SPIDR: variants seen among roughly 807,000 people sequenced by gnomAD.
The protein encoded by SPIDR is scaffold protein involved in DNA repair.
SPIDR carries 93 observed loss-of-function variants against 104.6 expected under a neutral mutation model. That is an observed-to-expected ratio of 0.89 (90% CI 0.75 to 1.06). SPIDR has a LOEUF of 1.06. Among genes scored for constraint, SPIDR ranks in the 50% least tolerant of loss-of-function variants. The pLI, the probability that SPIDR is intolerant of heterozygous loss-of-function variation, is 0.00. For synonymous variants in SPIDR, 431 were observed against 416.9 expected (o/e 1.03, Z -0.41); for missense variants, 1,154 against 1,111.2 (o/e 1.04, Z -0.55).
At chr8:47,662,453 A>G (rs2074270638) in intron 10 of SPIDR, among the ~76,000 whole-genome samples, 1 of 152,176 alleles carries the variant, frequency 6.6e-6, no homozygotes, top group African/African-American at 2.4e-5. Context: ...ATACTAGCCA[A>G]TGAGCACTAC....
chr8:47,393,691 TCC>T (rs2060889479), intron 5 of SPIDR, among the ~76,000 whole-genome samples: 1 of 128,838 alleles, frequency 7.8e-6, no homozygotes, highest in African/African-American at 2.9e-5. Flanking sequence ...TCCTTTCCTT[TCC>T]TTTCCTTTCC....
chr8:47,508,178 C>A (rs2081771990), intron 8 of SPIDR, among the ~76,000 whole-genome samples: 2 of 152,156 alleles, frequency 1.3e-5, no homozygotes, highest in Admixed American at 1.3e-4. Flanking sequence ...GTCTTGTGGG[C>A]TGGTAGGATG....
At chr8:47,299,185 G>GA (rs2041529737) in intron 5 of SPIDR, among the ~76,000 whole-genome samples, 1 of 152,140 alleles carries the variant, frequency 6.6e-6, no homozygotes, top group East Asian at 1.9e-4. Flanking sequence ...TTGTAAGTTG[G>GA]AATCCTAGGT....
chr8:47,284,220 A>G, intron 3 of SPIDR, 126 bp downstream of exon 3: 1 of 656,044 alleles, frequency 1.5e-6, no homozygotes, highest in Non-Finnish European at 2.5e-6. Flanking sequence ...ATAGTTAAAA[A>G]ACATCAAGAT....
rs375899067 is a variant in SPIDR, at chr8:47,316,827, A to G, written c.525+22797A>G. ...TATCAAATGGTGTGTCTTTTATTGT[A>G]TATAAAACCTACTGAAAAAAGTAAA... is the stretch of plus-strand genomic sequence containing the variant. On this transcript the variant is annotated intron_variant, in intron 5 of 19. Coordinates refer to ENST00000297423, the MANE Select transcript of SPIDR (RefSeq NM_001080394.4). 9.2e-5 allele frequency among the ~76,000 whole-genome samples: 14 copies of G among 152,330 alleles called. No homozygotes were observed. In the South Asian group the frequency reaches 2.5e-3, roughly 27 times the overall value.
intron 5 of SPIDR, among the ~76,000 whole-genome samples, chr8:47,319,882 T>A (rs189568850): frequency 2.6e-5 from 4 of 151,846 alleles, no homozygotes; most frequent in African/African-American, 9.6e-5. Flanking sequence ...GAAATAAAGA[T>A]GTTCTTGGAA....
In SPIDR at chr8:47,464,157, G is replaced by C. The variant is rs759033398; in HGVS notation, c.1097+23615G>C. On this transcript the variant is annotated intron_variant, in intron 8 of 19. Transcript: ENST00000297423. ...ACACACACACACACACACACACACA[G>C]AGCACGTTAGTAAATTGAGGAAAGT... Among the ~76,000 whole-genome samples the C allele has an allele frequency of 1.7e-3, 244 of 140,560 alleles. 1 individual carries two copies. Among genetic ancestry groups the C allele is most frequent in the Non-Finnish European group, 2.7e-3 (165 of 61,748 alleles). The allele number at this position is 140,560 out of a possible 152,430, so 92.2% of individuals were successfully genotyped here. A position where few individuals can be genotyped will look rare whatever the true frequency, so the allele number is the denominator to read the frequency against.
At chr8:47,572,404 C>T (rs539046506) in intron 8 of SPIDR, among the ~76,000 whole-genome samples, 2 of 152,240 alleles carry the variant, frequency 1.3e-5, no homozygotes, top group Non-Finnish European at 2.9e-5. Flanking sequence ...TGGCTCATGC[C>T]TGTAATCCCA....
At chr8:47,440,254 A>G (rs2154343361) in intron 7 of SPIDR, 69 bp from the exon 8 acceptor site, 3 of 1,380,164 alleles carry the variant, frequency 2.2e-6, no homozygotes, top group Non-Finnish European at 2.0e-6. Context: ...TTTTCATGAC[A>G]CTTTATTCAC....
intron 1 of SPIDR, among the ~76,000 whole-genome samples, chr8:47,275,232 C>G (rs1238706178): frequency 6.6e-6 from 1 of 151,100 alleles, no homozygotes; most frequent in East Asian, 2.0e-4. Flanking sequence ...GCACTCCAGC[C>G]TGGGGGAGAG....
intron 14 of SPIDR, among the ~76,000 whole-genome samples, chr8:47,708,975 CTT>C (rs763678779): frequency 1.2e-4 from 17 of 140,716 alleles, no homozygotes; most frequent in Non-Finnish European, 1.9e-4. Context: ...AGTAAGAAGA[CTT>C]TTTTTTTTTT....
chr8:47,377,218 C>T (rs2058760743), intron 5 of SPIDR, among the ~76,000 whole-genome samples: 1 of 152,134 alleles, frequency 6.6e-6, no homozygotes, highest in Non-Finnish European at 1.5e-5. Flanking sequence ...CTGATTACCA[C>T]CAGGGTTGTA....
At chr8:47,726,565 C>G (rs796721504) in intron 16 of SPIDR, among the ~76,000 whole-genome samples, 15 of 152,364 alleles carry the variant, frequency 9.8e-5, no homozygotes, top group African/African-American at 3.6e-4. Context: ...GGCCTCAGCC[C>G]TGCCATGGTG....
chr8:47,290,571 C>T (rs1478746000), intron 3 of SPIDR, among the ~76,000 whole-genome samples: 1 of 152,130 alleles, frequency 6.6e-6, no homozygotes, highest in African/African-American at 2.4e-5. Flanking sequence ...TAATTAAATA[C>T]AAGGTTTGGT....
chr8:47,303,586 C>G (rs2042616205), intron 5 of SPIDR, among the ~76,000 whole-genome samples: 1 of 152,182 alleles, frequency 6.6e-6, no homozygotes, highest in Non-Finnish European at 1.5e-5. Context: ...CATCTTGGCT[C>G]CACCCCTTTC....
chr8:47,732,587 T>G (rs2085442031), intron 19 of SPIDR: 1 of 190,258 alleles, frequency 5.3e-6, no homozygotes, highest in Admixed American at 5.6e-5. Flanking sequence ...TCACAGTGGC[T>G]GATCAGGTCT....
At chr8:47,460,120 G>A (rs1353574999) in intron 8 of SPIDR, among the ~76,000 whole-genome samples, 1 of 152,046 alleles carries the variant, frequency 6.6e-6, no homozygotes, top group Admixed American at 6.6e-5. Flanking sequence ...GTGTTTGTTG[G>A]GTAGAATATT....
chr8:47,696,307 C>A (rs2079323889), intron 11 of SPIDR, among the ~76,000 whole-genome samples: 1 of 152,144 alleles, frequency 6.6e-6, no homozygotes. Flanking sequence ...ATGTTACCAA[C>A]AACAAAATTC....
chr8:47,418,971 C>G (rs1554677570), intron 7 of SPIDR: 1 of 152,246 alleles, frequency 6.6e-6, no homozygotes, highest in Non-Finnish European at 1.5e-5. Context: ...ATGAAGCCCA[C>G]TTGATCATGG....
Sources: allele counts gnomAD v4.1 joint callset (sites outside exome capture counted in the v4.1 genomes callset), GRCh38; gene constraint gnomAD v4.1.1; transcripts MANE v1.5; gene names NCBI Gene and HGNC (gene_info 2026-07-23, HGNC 2026-07-21).